Variants in CTXND1 observed in about 807,000 individuals in gnomAD.
CTXND1 encodes the protein cortexin domain-containing 1 protein.
intron 1 of CTXND1, among the ~76,000 whole-genome samples, chr15:80,221,207 C>T (rs1428320731): frequency 1.3e-5 from 2 of 152,120 alleles, no homozygotes; most frequent in Admixed American, 6.5e-5. Context: ...CCACGCCCAG[C>T]CTCTATTATT....
At chr15:80,218,935 A>ATT (rs34740302) in intron 1 of CTXND1, among the ~76,000 whole-genome samples, 12,165 of 144,130 alleles carry the variant, frequency 0.084, 606 homozygotes, top group Middle Eastern at 0.12. Context: ...ATTTTCTGTG[A>ATT]TTTTTTTTTT....
intron 1 of CTXND1, among the ~76,000 whole-genome samples, chr15:80,220,077 G>A (rs1893295737): frequency 6.6e-6 from 1 of 151,706 alleles, no homozygotes; most frequent in Non-Finnish European, 1.5e-5. Flanking sequence ...ATCCTTTCCT[G>A]TCCTGATGTC....
intron 1 of CTXND1, among the ~76,000 whole-genome samples, chr15:80,211,344 T>C (rs1893202735): frequency 1.3e-5 from 2 of 152,228 alleles, no homozygotes; most frequent in Admixed American, 1.3e-4. Context: ...AATCATCAGC[T>C]GGTTCTATAA....
chr15:80,251,175 C>T (rs142698030), intron 1 of CTXND1, among the ~76,000 whole-genome samples: 153 of 152,308 alleles, frequency 1.0e-3, no homozygotes, highest in Non-Finnish European at 1.7e-3. Context: ...CCCTATTGCA[C>T]GCCTGGTGAG....
chr15:80,226,634 G>T (rs1893374949), intron 1 of CTXND1, among the ~76,000 whole-genome samples: 2 of 152,090 alleles, frequency 1.3e-5, no homozygotes, highest in South Asian at 4.1e-4. Context: ...AGTGATCCAG[G>T]GTCCCCTTGG....
intron 1 of CTXND1, among the ~76,000 whole-genome samples, chr15:80,233,156 G>A (rs546604496): frequency 6.6e-6 from 1 of 152,090 alleles, no homozygotes; most frequent in African/African-American, 2.4e-5. Context: ...GGCCAGGCTG[G>A]TCTTCAACTC....
intron 1 of CTXND1, among the ~76,000 whole-genome samples, chr15:80,220,455 G>A (rs144103017): frequency 1.4e-4 from 22 of 152,190 alleles, no homozygotes; most frequent in East Asian, 1.9e-4. Flanking sequence ...ATTGCATTAA[G>A]TGGCTTTATA....
At chr15:80,203,387 C>T (rs1398637820) in intron 2 of CTXND1, among the ~76,000 whole-genome samples, 1 of 152,226 alleles carries the variant, frequency 6.6e-6, no homozygotes, top group Non-Finnish European at 1.5e-5. Flanking sequence ...CAAGGTCCCA[C>T]ATCCCACACC....
At chr15:80,203,224 C>G (rs1215743388) in intron 2 of CTXND1, among the ~76,000 whole-genome samples, 1 of 152,198 alleles carries the variant, frequency 6.6e-6, no homozygotes, top group East Asian at 1.9e-4. Flanking sequence ...ATCCTCATCC[C>G]TGAACTTGTG....
At chr15:80,235,069 T>G (rs534940716) in intron 1 of CTXND1, among the ~76,000 whole-genome samples, 1 of 152,290 alleles carries the variant, frequency 6.6e-6, no homozygotes, top group South Asian at 2.1e-4. Context: ...ACCAGGGCTC[T>G]TCCTTTGCCT....
At position 80,200,919 on chromosome 15, in the gene CTXND1, C is replaced by G. The variant is rs1043529415; in HGVS notation, c.*851G>C. 4.6e-5 allele frequency: 7 copies of G among 152,158 alleles called. No homozygotes were observed. Among genetic ancestry groups the G allele is most frequent in the African/African-American group, 1.7e-4 (7 of 41,438 alleles). 9.4% of individuals were successfully genotyped at this position (152,158 alleles called of 1,614,324 possible). ...CCTACCCAACCGATGGGATGCCCTT[C>G]GGTCACTAAAACTGGCAGCTAAGAA... On this transcript the variant is annotated 3_prime_UTR_variant, in exon 3 of 3. Coordinates refer to ENST00000560778, the MANE Select transcript of CTXND1 (RefSeq NM_001352888.2).
chr15:80,219,873 T>A (rs1893293417), intron 1 of CTXND1, among the ~76,000 whole-genome samples: 1 of 152,248 alleles, frequency 6.6e-6, no homozygotes, highest in Admixed American at 6.5e-5. Context: ...TCTTTTAGGC[T>A]TTATCTTTAT....
At chr15:80,234,299 CA>C (rs1018162529) in intron 1 of CTXND1, among the ~76,000 whole-genome samples, 2 of 151,890 alleles carry the variant, frequency 1.3e-5, no homozygotes, top group Non-Finnish European at 2.9e-5. Flanking sequence ...TTTAGAAAAC[CA>C]ATTATTAAAT....
At position 80,224,237 on chromosome 15, in the gene CTXND1, C is replaced by T. The variant is rs183150649; in HGVS notation, c.-217-20497G>A. 4.6e-5 allele frequency among the ~76,000 whole-genome samples: 7 copies of T among 152,318 alleles called. No individual in the cohort carries two copies. The East Asian group carries it at 7.7e-4, about 17-fold the overall frequency. Reference sequence around the variant, plus strand: ...TCAGAAGACCCCAGCCCAGCTCCAACCACCGACCGACTGCAATCAGCTGAG... The same window carrying T: ...TCAGAAGACCCCAGCCCAGCTCCAATCACCGACCGACTGCAATCAGCTGAG... On this transcript the variant is annotated intron_variant, in intron 1 of 2. Transcript: ENST00000560778.
chr15:80,215,313 G>A (rs1180146987), intron 1 of CTXND1, among the ~76,000 whole-genome samples: 1 of 152,184 alleles, frequency 6.6e-6, no homozygotes, highest in African/African-American at 2.4e-5. Context: ...CCCCTTTGGG[G>A]TACAAACACA....
chr15:80,251,390 C>T (rs1893695130), intron 1 of CTXND1, among the ~76,000 whole-genome samples: 1 of 152,156 alleles, frequency 6.6e-6, no homozygotes. Context: ...CCAACGGAGA[C>T]TTGACATTTC....
intron 1 of CTXND1, among the ~76,000 whole-genome samples, chr15:80,208,389 A>G (rs577996123): frequency 1.5e-4 from 23 of 152,350 alleles, no homozygotes; most frequent in Middle Eastern, 6.8e-3. Context: ...TTTTTTATGT[A>G]CAATCTGCAC....
At chr15:80,218,148 T>A (rs1893273308) in intron 1 of CTXND1, among the ~76,000 whole-genome samples, 1 of 152,152 alleles carries the variant, frequency 6.6e-6, no homozygotes, top group South Asian at 2.1e-4. Flanking sequence ...AGTATATGTA[T>A]TTTTAGAGAT....
intron 1 of CTXND1, among the ~76,000 whole-genome samples, chr15:80,238,315 A>T (rs1277480357): frequency 6.6e-6 from 1 of 152,054 alleles, no homozygotes. Flanking sequence ...CTATGTTTAG[A>T]TATGTTCAGA....
Sources: gnomAD v4.1 joint callset for allele counts (sites outside exome capture counted in the v4.1 genomes callset) on GRCh38, gnomAD v4.1.1 for gene constraint, MANE v1.5 for transcripts, NCBI Gene and HGNC (gene_info 2026-07-23, HGNC 2026-07-21) for gene names.